KIFBP: variants seen among roughly 807,000 people sequenced by gnomAD.
The protein encoded by KIFBP is kinesin family binding protein.
KIFBP carries 46 observed loss-of-function variants against 58.9 expected under a neutral mutation model. That is an observed-to-expected ratio of 0.78 (90% CI 0.62 to 1.00). The LOEUF (loss-of-function observed/expected upper bound fraction) is 1.00. Ranked by LOEUF, KIFBP falls within the 50% of genes least tolerant of loss-of-function variation. The pLI, the probability that KIFBP is intolerant of heterozygous loss-of-function variation, is 0.00. For synonymous variants in KIFBP, 241 were observed against 283.4 expected, an observed-to-expected ratio of 0.85 and a Z score of 1.50; for missense variants, 651 against 752.9, an observed-to-expected ratio of 0.86 and a Z score of 1.58.
rs749084385 is a variant in KIFBP, at chr10:69,015,932, T to C, written c.1382T>C (p.Leu461Pro). ...ATGCTAGAGCCCCTAACTGTAGACC[T>C]GAATCCACAGTATTATCTGTTGGTC... is the stretch of plus-strand genomic sequence containing the variant. The part of the protein sequence containing the change: ...IAMLEPLTVD[L>P]NPQYYLLVNR... The change falls in exon 7 of 7, where the codon CTG (leucine) becomes CCG (proline). Residue 461 changes from leucine to proline, a missense_variant. Physicochemically the swap from Leu to Pro is moderately conservative, Grantham distance 98. Coordinates refer to ENST00000361983, the MANE Select transcript of KIFBP (RefSeq NM_015634.4). 2 of 1,614,198 alleles carry C rather than the reference T, an allele frequency of 1.2e-6. No homozygotes were observed. Among genetic ancestry groups the C allele is most frequent in the South Asian group, 2.2e-5 (2 of 91,088 alleles).
intron 6 of KIFBP, among the ~76,000 whole-genome samples, chr10:69,014,676 TATTTCTTA>T (rs375085845): frequency 6.6e-6 from 1 of 151,858 alleles, no homozygotes; most frequent in African/African-American, 2.4e-5. Flanking sequence ...GAGCTTACCC[TATTTCTTA>T]ACCACCTTAG....
Position 69,008,863 on chromosome 10 carries a change from A to G in KIFBP, c.812A>G (p.His271Arg). 6.2e-7 allele frequency: 1 copy of G among 1,613,684 alleles called. No homozygotes were observed. The highest frequency in any genetic ancestry group is 8.5e-7 in the Non-Finnish European group (1 of 1,179,712). The change falls in exon 5 of 7, where the codon CAC (histidine) becomes CGC (arginine). Residue 271 changes from histidine to arginine, a missense_variant. Coordinates refer to ENST00000361983, the MANE Select transcript of KIFBP (RefSeq NM_015634.4). Reference protein sequence around the residue: ...INKLCFMEARHCLSAANVIFG... With the variant: ...INKLCFMEARRCLSAANVIFG... ...TAGCTATGCTTTATGGAGGCCAGGC[A>G]CTGTTTATCAGCTGCTAATGTCATT...
At chr10:68,998,847 C>T (rs1157538696) in intron 1 of KIFBP, among the ~76,000 whole-genome samples, 4 of 144,078 alleles carry the variant, frequency 2.8e-5, no homozygotes, top group South Asian at 4.4e-4. Context: ...ACGATCTCGG[C>T]TCACTGTAAC....
chr10:68,996,057 C>T (rs907677222), intron 1 of KIFBP, among the ~76,000 whole-genome samples: 2 of 151,744 alleles, frequency 1.3e-5, no homozygotes, highest in Non-Finnish European at 2.9e-5. Flanking sequence ...GCTCAGGAGG[C>T]TGAGGCACAA....
rs776484242 is a variant in KIFBP, at chr10:68,989,156, G to A, written c.324G>A (p.Thr108=). 11 of 1,613,518 alleles carry A rather than the reference G, an allele frequency of 6.8e-6. No individual in the cohort carries two copies. In the East Asian group the frequency reaches 8.9e-5, roughly 13 times the overall value. The change falls in exon 1 of 7, where the codon ACG becomes ACA. Residue 108 remains threonine (T), a synonymous_variant. Coordinates refer to ENST00000361983, the MANE Select transcript of KIFBP (RefSeq NM_015634.4). ...EFHLGVNHID[T]EELSAGEEHL... ...ACCTCGGGGTGAACCACATCGACAC[G>A]GAGGAGCTGTCGGCGGGGGAGGAGC...
In KIFBP at chr10:69,012,791, G is replaced by C. The variant is rs575948572; in HGVS notation, c.990+1776G>C. On this transcript the variant is annotated intron_variant, in intron 6 of 6. Transcript: ENST00000361983. Reference sequence around the variant, plus strand: ...ACCTATAGTCCCAGCTACTGGGGAGGCTGAGGCAGGAGAATCACTTGAGCC... The same window carrying C: ...ACCTATAGTCCCAGCTACTGGGGAGCCTGAGGCAGGAGAATCACTTGAGCC... Among the ~76,000 whole-genome samples the C allele has an allele frequency of 1.8e-3, 279 of 152,194 alleles. 1 individual carries two copies. Among genetic ancestry groups the C allele is most frequent in the African/African-American group, 6.4e-3 (266 of 41,516 alleles).
At chr10:69,011,358 A>G (rs1002180152) in intron 6 of KIFBP, 5 of 191,978 alleles carry the variant, frequency 2.6e-5, no homozygotes, top group Non-Finnish European at 5.4e-5. Flanking sequence ...TTTGGTTAGA[A>G]TATAAGCTTC....
At position 69,008,858 on chromosome 10, in the gene KIFBP, C is replaced by G; in HGVS notation, c.807C>G (p.Ala269=). 1 of 1,613,446 alleles carries G rather than the reference C, an allele frequency of 6.2e-7. No individual in the cohort carries two copies. Reference sequence around the variant, plus strand: ...CCCAATAGCTATGCTTTATGGAGGCCAGGCACTGTTTATCAGCTGCTAATG... The same window carrying G: ...CCCAATAGCTATGCTTTATGGAGGCGAGGCACTGTTTATCAGCTGCTAATG... ...FYINKLCFME[A]RHCLSAANVI... Residue 269 remains alanine, a synonymous_variant, in exon 5 of 7, where the codon GCC becomes GCG. Coordinates refer to ENST00000361983, the MANE Select transcript of KIFBP (RefSeq NM_015634.4).
intron 1 of KIFBP, among the ~76,000 whole-genome samples, chr10:68,998,772 T>TATATATATATA (rs55852817): frequency 7.6e-4 from 48 of 63,502 alleles, no homozygotes; most frequent in Middle Eastern, 8.2e-3. Flanking sequence ...TATATATATA[T>TATATATATATA]TTTTTTTTTT....
rs545527324 is a variant in KIFBP, at chr10:68,988,850, G to A, written c.18G>A (p.Trp6Ter). ...AGGCCGCTATGGCGAACGTTCCGTG[G>A]GCAGAGGTCTGCGAGAAATTCCAGG... is the stretch of plus-strand genomic sequence containing the variant. MANVP[W>*]AEVCEKFQAA... is the part of the protein sequence containing the mutation. Residue 6 changes from tryptophan to a stop codon, truncating the protein, a stop_gained, in exon 1 of 7, where the codon TGG (tryptophan) becomes TGA (stop). Transcript: ENST00000361983. LOFTEE classifies it high-confidence loss of function. 1.2e-6 allele frequency: 2 copies of A among 1,614,146 alleles called. No individual in the cohort carries two copies. Among genetic ancestry groups the A allele is most frequent in the Non-Finnish European group, 8.5e-7 (1 of 1,180,052 alleles).
chr10:68,991,395 T>C lies in KIFBP; in HGVS notation c.426+2137T>C, dbSNP rs1843345337. ...CGGTGTATACACAAGTTTCTGGATATTGCAAGACAGAATATTTCTTTCCTA... is the reference window on the plus strand; with the variant it reads ...CGGTGTATACACAAGTTTCTGGATACTGCAAGACAGAATATTTCTTTCCTA... On this transcript the variant is annotated intron_variant, in intron 1 of 6. Coordinates refer to ENST00000361983, the MANE Select transcript of KIFBP (RefSeq NM_015634.4). 4.7e-5 allele frequency: 16 copies of C among 343,558 alleles called. 1 individual carries two copies. Among genetic ancestry groups the C allele is most frequent in the South Asian group, 4.2e-4 (15 of 35,586 alleles). 21.3% of individuals were successfully genotyped at this position (343,558 alleles called of 1,614,324 possible).
At chr10:69,008,391 A>AAAAAAAAAAATAT in intron 4 of KIFBP, among the ~76,000 whole-genome samples, 23 of 71,586 alleles carry the variant, frequency 3.2e-4, no homozygotes, top group African/African-American at 1.4e-3. Context: ...AAAAAAAAAA[A>AAAAAAAAAAATAT]ATATATATAT....
At chr10:69,006,644 TC>T (rs1348147882) in intron 4 of KIFBP, among the ~76,000 whole-genome samples, 1 of 152,216 alleles carries the variant, frequency 6.6e-6, no homozygotes, top group Non-Finnish European at 1.5e-5. Context: ...ATAAGACATC[TC>T]AGCAATATAA....
chr10:69,015,402 T>A (rs1838984033), intron 6 of KIFBP, 139 bp from the exon 7 acceptor site: 2 of 735,638 alleles, frequency 2.7e-6, no homozygotes, highest in Admixed American at 2.9e-5. Flanking sequence ...CAAAGGTGTT[T>A]AAGATTATGA....
intron 5 of KIFBP, 126 bp downstream of exon 5, chr10:69,009,051 T>C (rs1329919480): frequency 1.4e-6 from 1 of 719,592 alleles, no homozygotes; most frequent in Non-Finnish European, 2.4e-6. Flanking sequence ...CACCAATTTT[T>C]AGTATTTTCC....
chr10:68,989,821 C>G, intron 1 of KIFBP: 1 of 154,256 alleles, frequency 6.5e-6, no homozygotes, highest in Non-Finnish European at 1.4e-5. Flanking sequence ...CCTCAGCCTT[C>G]ATAGTAGCTG....
intron 1 of KIFBP, among the ~76,000 whole-genome samples, chr10:68,993,073 T>C (rs1843367210): frequency 6.6e-6 from 1 of 152,194 alleles, no homozygotes; most frequent in Non-Finnish European, 1.5e-5. Flanking sequence ...AGACCAGTGT[T>C]GTTTCTGGGC....
At chr10:69,007,647 C>T (rs1843549345) in intron 4 of KIFBP, 1 of 152,190 alleles carries the variant, frequency 6.6e-6, no homozygotes, top group Admixed American at 6.5e-5. Context: ...GCTAATACTA[C>T]ACGTGTCCAG....
chr10:69,008,391 A>AAAAAAAT, intron 4 of KIFBP, among the ~76,000 whole-genome samples: 10 of 71,590 alleles, frequency 1.4e-4, no homozygotes, highest in African/African-American at 3.9e-4. Context: ...AAAAAAAAAA[A>AAAAAAAT]ATATATATAT....
Sources: gnomAD v4.1 joint callset for allele counts (sites outside exome capture counted in the v4.1 genomes callset) on GRCh38, gnomAD v4.1.1 for gene constraint, MANE v1.5 for transcripts, NCBI Gene and HGNC (gene_info 2026-07-23, HGNC 2026-07-21) for gene names.